The following STPG2 variants were observed in gnomAD, a reference collection of about 807,000 sequenced individuals.
The protein encoded by STPG2 is sperm tail PG-rich repeat containing 2, also known as sperm-tail PG-rich repeat-containing protein 2.
In STPG2, 56 loss-of-function variants were observed where a neutral mutation model predicts 54.2. The observed-to-expected ratio is 1.03, with a 90% confidence interval of 0.83 to 1.29. STPG2 has a LOEUF of 1.29. Ranked by LOEUF, STPG2 falls within the 50% of genes most tolerant of loss-of-function variation. STPG2 has a pLI of 0.00. For synonymous variants in STPG2, 200 were observed against 181.8 expected (o/e 1.10, Z -0.81); for missense variants, 596 against 544.9 (o/e 1.09, Z -0.93).
chr4:97,940,126 C>A (rs985608600), intron 8 of STPG2, among the ~76,000 whole-genome samples: 1 of 150,876 alleles, frequency 6.6e-6, no homozygotes, highest in Non-Finnish European at 1.5e-5. Flanking sequence ...TGAATATAGG[C>A]CCCCAGTCTC....
chr4:97,741,199 T>G (rs1172912799), intron 9 of STPG2, among the ~76,000 whole-genome samples: 1 of 152,058 alleles, frequency 6.6e-6, no homozygotes, highest in Non-Finnish European at 1.5e-5. Context: ...TTACACCTTA[T>G]ACAAAAATTA....
At chr4:97,500,756 C>T (rs1031330687) in intron 4 of STPG2, among the ~76,000 whole-genome samples, 4 of 151,824 alleles carry the variant, frequency 2.6e-5, no homozygotes, top group South Asian at 2.1e-4. Context: ...AGATGAGGAC[C>T]GAGAATTGAC....
chr4:98,026,380 T>G (rs1480271493), intron 5 of STPG2: 1 of 433,008 alleles, frequency 2.3e-6, no homozygotes, highest in African/African-American at 2.0e-5. Context: ...TCGACATTTA[T>G]CCTCTTTGGC....
At chr4:97,754,867 C>T (rs1299595312) in intron 9 of STPG2, among the ~76,000 whole-genome samples, 1 of 151,998 alleles carries the variant, frequency 6.6e-6, no homozygotes, top group East Asian at 1.9e-4. Flanking sequence ...TATGCAAGGC[C>T]TTAAATATCA....
intron 5 of STPG2, among the ~76,000 whole-genome samples, chr4:98,088,532 T>C (rs1377686035): frequency 1.3e-5 from 2 of 152,038 alleles, no homozygotes; most frequent in African/African-American, 4.8e-5. Context: ...TGAATTTAAA[T>C]AATAATAATT....
chr4:97,892,646 C>T (rs962958291), intron 8 of STPG2, among the ~76,000 whole-genome samples: 7 of 152,094 alleles, frequency 4.6e-5, no homozygotes, highest in South Asian at 2.1e-4. Context: ...TAAAAAACAA[C>T]CTAGGTGGAA....
At chr4:97,605,295 TTACA>T (rs964127442) in intron 10 of STPG2, among the ~76,000 whole-genome samples, 2 of 151,760 alleles carry the variant, frequency 1.3e-5, no homozygotes, top group African/African-American at 4.8e-5. Context: ...AGTGAAAAAT[TTACA>T]TAAAGTACTT....
intron 7 of STPG2, among the ~76,000 whole-genome samples, chr4:97,948,794 T>C (rs1354083576): frequency 1.3e-5 from 2 of 152,142 alleles, no homozygotes; most frequent in Admixed American, 1.3e-4. Flanking sequence ...ACAGTTTTTA[T>C]TTTTTCACAT....
At chr4:97,813,099 T>C (rs889414755) in intron 9 of STPG2, among the ~76,000 whole-genome samples, 26 of 152,274 alleles carry the variant, frequency 1.7e-4, no homozygotes, top group African/African-American at 6.3e-4. Context: ...TACTGCTTTT[T>C]TGCAAACTAT....
intron 10 of STPG2, among the ~76,000 whole-genome samples, chr4:97,644,296 T>C (rs982892452): frequency 2.0e-5 from 3 of 151,968 alleles, no homozygotes; most frequent in Non-Finnish European, 4.4e-5. Context: ...GATACATTAG[T>C]TTCTTTCCCT....
chr4:97,921,748 G>T (rs1010995449), intron 8 of STPG2, among the ~76,000 whole-genome samples: 1 of 152,172 alleles, frequency 6.6e-6, no homozygotes, highest in Non-Finnish European at 1.5e-5. Context: ...CGCAGATCTG[G>T]AGTAGAAAAT....
chr4:97,646,655 T>C (rs935433288), intron 10 of STPG2, among the ~76,000 whole-genome samples: 2 of 152,146 alleles, frequency 1.3e-5, no homozygotes, highest in Non-Finnish European at 2.9e-5. Flanking sequence ...TATATACATA[T>C]ACTGTTTATT....
chr4:97,699,405 G>C (rs948181209), intron 10 of STPG2, among the ~76,000 whole-genome samples: 1 of 152,128 alleles, frequency 6.6e-6, no homozygotes, highest in South Asian at 2.1e-4. Flanking sequence ...ACTCACATGG[G>C]ATACAAATAT....
At chr4:97,469,825 G>A (rs1182451480) in intron 4 of STPG2, among the ~76,000 whole-genome samples, 1 of 151,964 alleles carries the variant, frequency 6.6e-6, no homozygotes, top group Non-Finnish European at 1.5e-5. Context: ...AAGTCAAAAA[G>A]GCAAGTGGGA....
intron 4 of STPG2, among the ~76,000 whole-genome samples, chr4:97,442,619 G>C (rs1364275524): frequency 6.6e-6 from 1 of 152,182 alleles, no homozygotes; most frequent in African/African-American, 2.4e-5. Context: ...TAGACAGGGG[G>C]CTAGTCTGGC....
At chr4:97,687,717 T>C (rs907155961) in intron 10 of STPG2, among the ~76,000 whole-genome samples, 3 of 152,120 alleles carry the variant, frequency 2.0e-5, no homozygotes, top group Non-Finnish European at 2.9e-5. Context: ...GAGGATGAAT[T>C]TACTTCTTAA....
intron 4 of STPG2, among the ~76,000 whole-genome samples, chr4:97,473,150 T>G (rs921350191): frequency 9.2e-5 from 14 of 152,248 alleles, no homozygotes; most frequent in South Asian, 2.1e-4. Context: ...AGAGCATGTG[T>G]GTTTGAACAA....
intron 8 of STPG2, chr4:97,916,287 G>A (rs1578687273): frequency 6.6e-6 from 1 of 152,592 alleles, no homozygotes; most frequent in African/African-American, 2.4e-5. Flanking sequence ...AGGGAAATCA[G>A]GTTTTGGGGA....
intron 7 of STPG2, among the ~76,000 whole-genome samples, chr4:97,968,364 G>A (rs1295786634): frequency 6.6e-6 from 1 of 152,172 alleles, no homozygotes; most frequent in South Asian, 2.1e-4. Context: ...GAGGTAAAAA[G>A]AGGAGATGGT....
Sources: gnomAD v4.1 joint callset for allele counts (sites outside exome capture counted in the v4.1 genomes callset) on GRCh38, gnomAD v4.1.1 for gene constraint, MANE v1.5 for transcripts, NCBI Gene and HGNC (gene_info 2026-07-23, HGNC 2026-07-21) for gene names.